Variants in TINAG observed in about 807,000 individuals in gnomAD.
The protein encoded by TINAG is tubulointerstitial nephritis antigen.
TINAG carries 83 observed loss-of-function variants against 72.7 expected under a neutral mutation model. The observed-to-expected ratio is 1.14, with a 90% CI of 0.96 to 1.37. The LOEUF (loss-of-function observed/expected upper bound fraction) is 1.37, where lower values mean the gene tolerates loss of function less well. Among genes scored for constraint, TINAG ranks in the 40% most tolerant of loss-of-function variants. The pLI is 0.00. For missense variants in TINAG, 685 were observed against 576.6 expected, an observed-to-expected ratio of 1.19 and a Z score of -1.93; for synonymous variants, 234 against 189.9, an observed-to-expected ratio of 1.23 and a Z score of -1.91.
rs866911731 is a variant in TINAG at position 54,343,341 on chromosome 6, C to T, written c.740C>T (p.Ser247Phe). The T allele has an allele frequency of 4.5e-6, 7 of 1,541,564 alleles. No individual in the cohort carries two copies. Among genetic ancestry groups the T allele is most frequent in the Non-Finnish European group, 6.1e-6 (7 of 1,141,092 alleles). The change falls in exon 5 of 11, where the codon TCC becomes TTC. Residue 247 changes from serine to phenylalanine, a missense_variant. Coordinates refer to ENST00000259782, the MANE Select transcript of TINAG (RefSeq NM_014464.4). ...QKNCAASWAF[S>F]TASVAADRIA... is the part of the protein sequence containing the mutation. The stretch of plus-strand genomic sequence containing the variant: ...AATTGTGCTGCATCCTGGGCATTTT[C>T]CACTGCAAGTAATAAAGTCATTTTA...
chr6:54,308,650 T>A lies in TINAG; in HGVS notation c.100T>A (p.Tyr34Asn). 1 of 1,613,822 alleles carries A rather than the reference T, an allele frequency of 6.2e-7. No homozygotes were observed. Among genetic ancestry groups the A allele is most frequent in the South Asian group, 1.1e-5 (1 of 91,084 alleles). ...TCAAAGAGAAGTGGACCTAGAGGCTTATTTCACTAGGAATCACACCGTTTT... is the reference window on the plus strand; with the variant it reads ...TCAAAGAGAAGTGGACCTAGAGGCTAATTTCACTAGGAATCACACCGTTTT... ...LSQREVDLEA[Y>N]FTRNHTVLQG... The change falls in exon 1 of 11, where the codon TAT (tyrosine) becomes AAT (asparagine). Residue 34 changes from tyrosine (Y) to asparagine (N), a missense_variant. Tyr to Asn is a moderately radical substitution (Grantham distance 143). Coordinates refer to ENST00000259782, the MANE Select transcript of TINAG (RefSeq NM_014464.4).
intron 3 of TINAG, among the ~76,000 whole-genome samples, chr6:54,326,265 A>G (rs2150940514): frequency 6.6e-6 from 1 of 152,056 alleles, no homozygotes; most frequent in South Asian, 2.1e-4. Flanking sequence ...AAATGAACTC[A>G]TTTAATATAT....
intron 4 of TINAG, among the ~76,000 whole-genome samples, chr6:54,327,671 C>A (rs994095791): frequency 2.0e-5 from 3 of 152,064 alleles, no homozygotes; most frequent in Non-Finnish European, 2.9e-5. Flanking sequence ...GCATATCCCA[C>A]CCCCGCAGAG....
chr6:54,354,721 C>A, intron 9 of TINAG, 85 bp downstream of exon 9: 1 of 1,380,342 alleles, frequency 7.2e-7, no homozygotes, highest in Non-Finnish European at 9.8e-7. Flanking sequence ...ATGCTAGAAT[C>A]CCCTTTGTAG....
intron 4 of TINAG, among the ~76,000 whole-genome samples, chr6:54,333,626 A>AAAAT (rs1562156840): frequency 4.0e-5 from 6 of 150,552 alleles, no homozygotes; most frequent in Non-Finnish European, 8.9e-5. Flanking sequence ...TAAAAAAAAA[A>AAAAT]AAAATAAAAT....
chr6:54,315,330 T>C (rs1934791), intron 1 of TINAG, among the ~76,000 whole-genome samples: 121,542 of 151,948 alleles, frequency 0.8, 48,956 homozygotes, highest in African/African-American at 0.88. Context: ...ATATCTTCTT[T>C]CTGTATTTTC....
chr6:54,310,372 C>G (rs1784212296), intron 1 of TINAG, among the ~76,000 whole-genome samples: 1 of 152,016 alleles, frequency 6.6e-6, no homozygotes, highest in Admixed American at 6.6e-5. Context: ...AGGAATGAAT[C>G]ACTGCTCCTA....
chr6:54,316,492 T>A (rs1034042140), intron 1 of TINAG, among the ~76,000 whole-genome samples: 1 of 152,174 alleles, frequency 6.6e-6, no homozygotes, highest in Non-Finnish European at 1.5e-5. Context: ...CTTGCAGCCG[T>A]TTCTCCAAAG....
At chr6:54,308,400 T>C (rs1005348294), upstream of TINAG, 3 of 661,888 alleles carry the variant, frequency 4.5e-6, no homozygotes, top group Admixed American at 3.0e-5. Context: ...AATGTTTAAC[T>C]ATGAGAAGTA....
intron 10 of TINAG, among the ~76,000 whole-genome samples, chr6:54,387,365 A>T (rs1175827339): frequency 1.3e-5 from 2 of 152,198 alleles, no homozygotes; most frequent in African/African-American, 4.8e-5. Flanking sequence ...GAATGGATAA[A>T]CTGTGGTATA....
At position 54,349,823 on chromosome 6, in the gene TINAG, A is replaced by G; in HGVS notation, c.1007A>G (p.Lys336Arg). The G allele has an allele frequency of 6.2e-7, 1 of 1,610,984 alleles. No homozygotes were observed. Among genetic ancestry groups the G allele is most frequent in the Non-Finnish European group, 8.5e-7 (1 of 1,178,040 alleles). ...GGGCGAGGAAAACGGCATGCCACGA[A>G]GCCATGTCCCAACAACGTAGAAAAA... Reference protein sequence around the residue: ...SDGRGKRHATKPCPNNVEKSN... With the variant: ...SDGRGKRHATRPCPNNVEKSN... Residue 336 changes from lysine (K) to arginine (R), a missense_variant, in exon 7 of 11, where the codon AAG (lysine) becomes AGG (arginine). Transcript: ENST00000259782.
intron 2 of TINAG, 82 bp downstream of exon 2, chr6:54,320,724 A>T (rs532071777): frequency 8.7e-7 from 1 of 1,149,494 alleles, no homozygotes; most frequent in East Asian, 2.4e-5. Flanking sequence ...TGTGAACCAA[A>T]GTATACATTT....
At position 54,385,316 on chromosome 6, in the gene TINAG, T is replaced by C. The variant is rs1289613258; in HGVS notation, c.1297-4475T>C. On this transcript the variant is annotated intron_variant, in intron 10 of 10. Coordinates refer to ENST00000259782, the MANE Select transcript of TINAG (RefSeq NM_014464.4). ...CCATAGAAATGAAAAAAGAGAACAT[T>C]GCTGCAGATTCAATAGATATGAAGT... is the stretch of plus-strand genomic sequence containing the variant. 2.0e-5 allele frequency among the ~76,000 whole-genome samples: 3 copies of C among 151,968 alleles called. 1 individual carries two copies. Among genetic ancestry groups the C allele is most frequent in the Admixed American group, 2.0e-4 (3 of 15,230 alleles).
At chr6:54,367,873 G>A (rs7750024) in intron 9 of TINAG, among the ~76,000 whole-genome samples, 23,901 of 151,516 alleles carry the variant, frequency 0.16, 2,013 homozygotes, top group Non-Finnish European at 0.18. Context: ...TTTGATGAAG[G>A]GCCTGCTTTC....
At chr6:54,372,521 G>C (rs891671646) in intron 9 of TINAG, among the ~76,000 whole-genome samples, 23 of 151,854 alleles carry the variant, frequency 1.5e-4, no homozygotes, top group Non-Finnish European at 2.2e-4. Context: ...AGAGATTTGG[G>C]GGTGAAGGGA....
chr6:54,314,358 A>G lies in TINAG; in HGVS notation c.355+5453A>G, dbSNP rs181019214. Among the ~76,000 whole-genome samples the G allele has an allele frequency of 7.9e-5, 12 of 152,296 alleles. No homozygotes were observed. In the East Asian group the frequency reaches 2.3e-3, roughly 29 times the overall value. ...GATCCAAAAGTGATATTTGAGTCCCATTTAAAATAAATGGAAAAGAAGGTT... is the reference window on the plus strand; with the variant it reads ...GATCCAAAAGTGATATTTGAGTCCCGTTTAAAATAAATGGAAAAGAAGGTT... On this transcript the variant is annotated intron_variant, in intron 1 of 10. Coordinates refer to ENST00000259782, the MANE Select transcript of TINAG (RefSeq NM_014464.4).
chr6:54,318,163 C>T (rs1047639157), intron 1 of TINAG, among the ~76,000 whole-genome samples: 1 of 152,070 alleles, frequency 6.6e-6, no homozygotes, highest in African/African-American at 2.4e-5. Flanking sequence ...CTTATTTAGT[C>T]TTGTGTTTGA....
At chr6:54,335,189 A>G (rs1402627156) in intron 4 of TINAG, among the ~76,000 whole-genome samples, 1 of 152,212 alleles carries the variant, frequency 6.6e-6, no homozygotes, top group Non-Finnish European at 1.5e-5. Flanking sequence ...TCTAGAGAAA[A>G]TGATTTACAT....
At chr6:54,373,210 T>TTTA (rs3064710) in intron 9 of TINAG, among the ~76,000 whole-genome samples, 101,368 of 151,516 alleles carry the variant, frequency 0.67, 34,686 homozygotes, top group Non-Finnish European at 0.74. Context: ...CACTTTTCCA[T>TTTA]TTAATATATC....
Sources: allele counts gnomAD v4.1 joint callset (sites outside exome capture counted in the v4.1 genomes callset), GRCh38; gene constraint gnomAD v4.1.1; transcripts MANE v1.5; gene names NCBI Gene and HGNC (gene_info 2026-07-23, HGNC 2026-07-21).